The following SND1 variants were observed in gnomAD, a reference collection of about 807,000 sequenced individuals.
The protein encoded by SND1 is staphylococcal nuclease domain-containing protein 1.
Under a neutral mutation model 121.7 loss-of-function variants are expected in SND1, and 38 were observed. The observed-to-expected ratio is 0.31, with a 90% confidence interval of 0.24 to 0.41. The LOEUF is 0.41. Among genes scored for constraint, SND1 ranks in the 10% least tolerant of loss-of-function variants. The pLI is 1.00. For synonymous variants in SND1, 401 were observed against 447.4 expected (o/e 0.90, Z 1.31); for missense variants, 868 against 1,184.6 (o/e 0.73, Z 3.92).
At chr7:128,007,801 A>C (rs953235321) in intron 16 of SND1, among the ~76,000 whole-genome samples, 5 of 152,206 alleles carry the variant, frequency 3.3e-5, no homozygotes, top group African/African-American at 9.6e-5. Flanking sequence ...AGTGAGTATG[A>C]CCCATTCAGT....
chr7:127,668,396 C>T (rs573998192), intron 1 of SND1, among the ~76,000 whole-genome samples: 2 of 152,316 alleles, frequency 1.3e-5, no homozygotes, highest in African/African-American at 4.8e-5. Flanking sequence ...ATACTTCTCT[C>T]CCATAGAACT....
intron 3 of SND1, among the ~76,000 whole-genome samples, chr7:127,695,426 G>A (rs1228250448): frequency 2.6e-5 from 4 of 152,078 alleles, no homozygotes; most frequent in Admixed American, 6.5e-5. Context: ...CACAGATGTC[G>A]GGGTTGCATA....
At chr7:127,781,368 A>T (rs193270297) in intron 10 of SND1, among the ~76,000 whole-genome samples, 1 of 152,298 alleles carries the variant, frequency 6.6e-6, no homozygotes, top group East Asian at 1.9e-4. Flanking sequence ...TGTGGCAATC[A>T]TCGTTCCTCC....
At chr7:127,989,350 A>G (rs1324083193) in intron 15 of SND1, among the ~76,000 whole-genome samples, 2 of 152,124 alleles carry the variant, frequency 1.3e-5, no homozygotes, top group South Asian at 2.1e-4. Flanking sequence ...TTCCATTTGT[A>G]AGGCCTTGGG....
chr7:128,002,086 T>C (rs1802847657), intron 16 of SND1, among the ~76,000 whole-genome samples: 1 of 152,168 alleles, frequency 6.6e-6, no homozygotes, highest in Non-Finnish European at 1.5e-5. Context: ...AGAACAACCC[T>C]CCCAGTGCTC....
intron 10 of SND1, among the ~76,000 whole-genome samples, chr7:127,775,028 G>A (rs1169504728): frequency 6.6e-6 from 1 of 152,150 alleles, no homozygotes; most frequent in Non-Finnish European, 1.5e-5. Context: ...GCTTAGAATG[G>A]GCCCTAAATC....
intron 16 of SND1, among the ~76,000 whole-genome samples, chr7:128,047,021 T>C (rs1792960900): frequency 2.0e-5 from 3 of 152,224 alleles, no homozygotes; most frequent in Admixed American, 1.3e-4. Flanking sequence ...CTGATTTTGA[T>C]GGGTTTTTAT....
At chr7:127,660,263 C>T (rs1795285406) in intron 1 of SND1, among the ~76,000 whole-genome samples, 1 of 152,118 alleles carries the variant, frequency 6.6e-6, no homozygotes, top group Non-Finnish European at 1.5e-5. Flanking sequence ...ATCTCTGCTT[C>T]AGAACACTGT....
At chr7:127,922,175 CTTTTT>C (rs1158535023) in intron 14 of SND1, among the ~76,000 whole-genome samples, 1,805 of 57,286 alleles carry the variant, frequency 0.032, 32 homozygotes, top group African/African-American at 0.098. Context: ...TTTTTCTTTC[CTTTTT>C]TTTTTTTTTT....
At chr7:128,053,701 G>C (rs1394983850) in intron 16 of SND1, among the ~76,000 whole-genome samples, 1 of 151,926 alleles carries the variant, frequency 6.6e-6, no homozygotes, top group Non-Finnish European at 1.5e-5. Context: ...CTGGATAAAT[G>C]GGAGACCAGG....
intron 15 of SND1, among the ~76,000 whole-genome samples, chr7:127,971,807 C>G (rs1283671960): frequency 1.4e-5 from 2 of 146,748 alleles, no homozygotes; most frequent in Admixed American, 6.8e-5. Flanking sequence ...GAGTCTCACT[C>G]TGTCGCCCAG....
At chr7:127,866,400 A>G (rs562003173) in intron 12 of SND1, among the ~76,000 whole-genome samples, 261 of 152,350 alleles carry the variant, frequency 1.7e-3, no homozygotes, top group African/African-American at 5.9e-3. Flanking sequence ...CTGCCCATCA[A>G]TAATAGCTTT....
intron 12 of SND1, chr7:127,858,210 T>C (rs1381240230): frequency 3.8e-6 from 3 of 785,538 alleles, no homozygotes; most frequent in East Asian, 2.5e-5. Flanking sequence ...AACTGTTCCC[T>C]CGTTTCCTGG....
At chr7:127,836,557 G>A (rs193113500) in intron 11 of SND1, among the ~76,000 whole-genome samples, 276 of 152,236 alleles carry the variant, frequency 1.8e-3, no homozygotes, top group Non-Finnish European at 3.2e-3. Context: ...TATTTATAAA[G>A]GTTGTTGCAG....
At chr7:127,656,295 C>CTTTCTT (rs1051715230) in intron 1 of SND1, among the ~76,000 whole-genome samples, 2 of 148,692 alleles carry the variant, frequency 1.3e-5, no homozygotes, top group East Asian at 2.0e-4. Flanking sequence ...TCTTAGGTTT[C>CTTTCTT]TTTCTTTTTC....
intron 10 of SND1, among the ~76,000 whole-genome samples, chr7:127,785,645 T>C (rs1339114023): frequency 2.0e-5 from 3 of 152,224 alleles, no homozygotes; most frequent in African/African-American, 4.8e-5. Context: ...TTAGTGTTTA[T>C]TTGCAAAACC....
intron 16 of SND1, among the ~76,000 whole-genome samples, chr7:128,008,618 C>T (rs1167043822): frequency 6.6e-6 from 1 of 152,182 alleles, no homozygotes; most frequent in Non-Finnish European, 1.5e-5. Flanking sequence ...AGGCAGGGCA[C>T]AGGGTGGGCC....
At chr7:128,086,584 C>G in intron 20 of SND1, 2 of 356,766 alleles carry the variant, frequency 5.6e-6, no homozygotes, top group Non-Finnish European at 1.1e-5. Flanking sequence ...GGAGAACCCC[C>G]TGGCCTGTGG....
chr7:128,081,929 G>C (rs1224312510), intron 18 of SND1: 3 of 535,752 alleles, frequency 5.6e-6, no homozygotes, highest in Admixed American at 1.9e-5. Flanking sequence ...GCAAGGAGTG[G>C]TGCTGGGTTT....
Sources: allele counts gnomAD v4.1 joint callset (sites outside exome capture counted in the v4.1 genomes callset), GRCh38; gene constraint gnomAD v4.1.1; transcripts MANE v1.5; gene names NCBI Gene and HGNC (gene_info 2026-07-23, HGNC 2026-07-21).